Variants in PSD2 observed in about 807,000 individuals in gnomAD.
PSD2 encodes PH and SEC7 domain-containing protein 2.
In PSD2, 38 loss-of-function variants were observed where a neutral mutation model predicts 69.8. The ratio of observed to expected loss-of-function variants is 0.54; its 90% CI spans 0.42 to 0.71. The LOEUF is 0.71. Ranked by LOEUF, PSD2 falls within the 30% of genes least tolerant of loss-of-function variation. PSD2 has a pLI of 0.00. For missense variants in PSD2, 943 were observed against 1,014.5 expected, an observed-to-expected ratio of 0.93 and a Z score of 0.96; for synonymous variants, 412 against 423.0, an observed-to-expected ratio of 0.97 and a Z score of 0.32.
the PSD2 span, among the ~76,000 whole-genome samples, chr5:139,748,911 G>GGT: frequency 6.6e-6 from 1 of 152,168 alleles, no homozygotes; most frequent in African/African-American, 2.4e-5. Flanking sequence ...GTATGTTGGG[G>GGT]GGGGTGAATA....
intron 1 of PSD2, among the ~76,000 whole-genome samples, chr5:139,800,294 C>T (rs1461775919): frequency 1.3e-5 from 2 of 152,262 alleles, no homozygotes; most frequent in South Asian, 2.1e-4. Context: ...AACAACTGCC[C>T]TGACTGTTCT....
At chr5:139,782,172 T>C in the PSD2 span, among the ~76,000 whole-genome samples, 3 of 152,104 alleles carry the variant, frequency 2.0e-5, no homozygotes, top group Non-Finnish European at 4.4e-5. Flanking sequence ...GTTATCTAGT[T>C]TTTTTTGTTT....
intron 7 of PSD2, among the ~76,000 whole-genome samples, chr5:139,829,649 T>G (rs1388142101): frequency 5.3e-5 from 8 of 152,268 alleles, no homozygotes; most frequent in Admixed American, 5.2e-4. Flanking sequence ...TCATTCATGT[T>G]GTCGCATGTA....
intron 2 of PSD2, among the ~76,000 whole-genome samples, chr5:139,812,768 G>T (rs1311834026): frequency 6.6e-6 from 1 of 152,212 alleles, no homozygotes; most frequent in Non-Finnish European, 1.5e-5. Context: ...TTATGACCCA[G>T]TGTGACACTG....
At chr5:139,781,839 G>C in the PSD2 span, among the ~76,000 whole-genome samples, 1 of 152,046 alleles carries the variant, frequency 6.6e-6, no homozygotes, top group East Asian at 1.9e-4. Flanking sequence ...TCACCATGTT[G>C]GGCAGGCTGG....
chr5:139,828,496 C>T (rs1760487135), intron 7 of PSD2, among the ~76,000 whole-genome samples: 2 of 152,216 alleles, frequency 1.3e-5, no homozygotes, highest in Non-Finnish European at 2.9e-5. Flanking sequence ...CTGCAGAGGT[C>T]TGCCCATTCT....
intron 7 of PSD2, among the ~76,000 whole-genome samples, chr5:139,829,951 CCAA>C (rs1040451410): frequency 1.3e-5 from 2 of 151,542 alleles, no homozygotes; most frequent in Non-Finnish European, 2.9e-5. Context: ...ATTTCCACCA[CCAA>C]CATGCAAGGG....
rs755229924 is a variant in PSD2 at position 139,813,358 on chromosome 5, T to C, written c.421T>C (p.Phe141Leu). 1 of 1,588,130 alleles carries C rather than the reference T, an allele frequency of 6.3e-7. No homozygotes were observed. The highest frequency in any genetic ancestry group is 2.3e-5 in the East Asian group (1 of 44,204). The change falls in exon 3 of 15, where the codon TTT (phenylalanine) becomes CTT (leucine). Residue 141 changes from phenylalanine (F) to leucine (L), a missense_variant. Transcript: ENST00000274710. ...PDVRDGFSAT[F>L]EKILESELLR... is the part of the protein sequence containing the mutation. ...TGTGCGGGATGGCTTCAGCGCCACGTTTGAGAAGATTCTGGAGTCAGAGCT... is the reference window on the plus strand; with the variant it reads ...TGTGCGGGATGGCTTCAGCGCCACGCTTGAGAAGATTCTGGAGTCAGAGCT...
the PSD2 span, among the ~76,000 whole-genome samples, chr5:139,752,149 T>C: frequency 1.3e-5 from 2 of 152,066 alleles, no homozygotes; most frequent in Admixed American, 1.3e-4. Context: ...TCCTCGACAC[T>C]GCCAAGCCCC....
At chr5:139,793,639 A>G (rs373053350), upstream of PSD2, among the ~76,000 whole-genome samples, 162 of 152,316 alleles carry the variant, frequency 1.1e-3, 2 homozygotes, top group South Asian at 0.03. Context: ...TTCCTTCCAC[A>G]TAATTTATTA....
the PSD2 span, among the ~76,000 whole-genome samples, chr5:139,747,406 TG>T: frequency 6.6e-6 from 1 of 152,210 alleles, no homozygotes; most frequent in East Asian, 1.9e-4. This position sits in a 1 kb window ranked among gnomAD's most constrained non-coding sequence, Gnocchi z 6.7. Context: ...CCTCTGCGGA[TG>T]GCAGAGGAGG....
At chr5:139,759,030 A>G in the PSD2 span, among the ~76,000 whole-genome samples, 1 of 152,182 alleles carries the variant, frequency 6.6e-6, no homozygotes, top group East Asian at 1.9e-4. Flanking sequence ...CTCACATTCC[A>G]TGCTCCAGGT....
the PSD2 span, among the ~76,000 whole-genome samples, chr5:139,789,949 G>A: frequency 2.6e-5 from 4 of 152,084 alleles, no homozygotes; most frequent in African/African-American, 9.7e-5. Flanking sequence ...TGGGCGGTGC[G>A]GATACCTGGG....
chr5:139,796,269 G>A (rs774963235), intron 1 of PSD2, among the ~76,000 whole-genome samples: 4 of 152,176 alleles, frequency 2.6e-5, no homozygotes, highest in Non-Finnish European at 4.4e-5. Flanking sequence ...AGGGACGGTG[G>A]GGGCTGCCGG....
At chr5:139,841,012 C>T (rs1760857783) in intron 14 of PSD2, among the ~76,000 whole-genome samples, 2 of 152,130 alleles carry the variant, frequency 1.3e-5, no homozygotes, top group South Asian at 4.1e-4. Flanking sequence ...TCTTCCCAAA[C>T]TGAAACTCTG....
rs149129865 is a variant in PSD2 at position 139,836,673 on chromosome 5, A to G, written c.1404-138A>G. ...TCTGGATCTGTGGTCTGGAATTGGA[A>G]TCTCTTCATCTCTGCCTCCTGGGGC... On this transcript the variant is annotated intron_variant, in intron 9 of 14. Transcript: ENST00000274710. 1.2e-3 allele frequency: 829 copies of G among 688,236 alleles called. 10 individuals are homozygous for G. The East Asian group carries it at 0.019, about 16-fold the overall frequency. The allele number at this position is 688,236 out of a possible 1,614,324, so 42.6% of individuals were successfully genotyped here.
chr5:139,835,687 A>C (rs1760697954), intron 8 of PSD2, 36 bp from the exon 9 acceptor site: 1 of 1,608,828 alleles, frequency 6.2e-7, no homozygotes. Flanking sequence ...TTGACCCTTC[A>C]CCTGAATTCC....
In PSD2 at chr5:139,833,750, C is replaced by G; in HGVS notation, c.1318C>G (p.Gln440Glu). The stretch of plus-strand genomic sequence containing the variant: ...TCAGCAATTCATTGCCAACTTGGAC[C>G]AGCTGAATGATGGCCAAGACTTTGC... ...SCQQFIANLD[Q>E]LNDGQDFAKD... The change falls in exon 8 of 15, where the codon CAG becomes GAG. Residue 440 changes from glutamine (Q) to glutamate (E), a missense_variant. Around this residue, in one of 3 missense-constraint regions of PSD2, gnomAD observed 312 missense variants for 400.7 expected, o/e 0.78. Transcript: ENST00000274710. 4 of 1,614,024 alleles carry G rather than the reference C, an allele frequency of 2.5e-6. No individual in the cohort carries two copies. The highest frequency in any genetic ancestry group is 3.4e-6 in the Non-Finnish European group (4 of 1,179,954).
the PSD2 span, among the ~76,000 whole-genome samples, chr5:139,777,483 A>C: frequency 6.6e-6 from 1 of 152,310 alleles, no homozygotes; most frequent in South Asian, 2.1e-4. Context: ...CTTGAAGGTC[A>C]TTTGGTTGTA....
Sources: allele counts gnomAD v4.1 joint callset (sites outside exome capture counted in the v4.1 genomes callset), GRCh38; gene constraint gnomAD v4.1.1; regional missense constraint gnomAD v4.1.1; non-coding constraint Gnocchi (gnomAD v3.1); transcripts MANE v1.5; gene names NCBI Gene and HGNC (gene_info 2026-07-23, HGNC 2026-07-21).